Variants in RASEF observed in about 807,000 individuals in gnomAD.
RASEF encodes the protein ras and EF-hand domain-containing protein.
In RASEF, 68 loss-of-function variants were observed where a neutral mutation model predicts 90.1. The ratio of observed to expected loss-of-function variants is 0.75; its 90% confidence interval spans 0.62 to 0.92. RASEF has a LOEUF of 0.92. RASEF is among the 40% of genes least tolerant of loss of function. The pLI, the probability that RASEF is intolerant of heterozygous loss-of-function variation, is 0.00. For missense variants in RASEF, 949 were observed against 937.2 expected (o/e 1.01, Z -0.16); for synonymous variants, 331 against 345.2 (o/e 0.96, Z 0.46).
At chr9:83,144,391 G>GAAAGAAAGAAAGGAAA in the RASEF span, among the ~76,000 whole-genome samples, 2 of 33,240 alleles carry the variant, frequency 6.0e-5, no homozygotes, top group African/African-American at 2.0e-4. Flanking sequence ...AAGAAAGAAA[G>GAAAGAAAGAAAGGAAA]GAAAGAAAGA....
At chr9:83,213,382 A>G in the RASEF span, among the ~76,000 whole-genome samples, 5 of 151,244 alleles carry the variant, frequency 3.3e-5, no homozygotes, top group Non-Finnish European at 4.4e-5. Flanking sequence ...CCTGGGCAAC[A>G]GAGCGAGACT....
At chr9:83,134,416 A>G in the RASEF span, among the ~76,000 whole-genome samples, 15 of 146,784 alleles carry the variant, frequency 1.0e-4, no homozygotes, top group East Asian at 7.9e-4. Context: ...TAGCGCACAC[A>G]CACACACACA....
At chr9:83,033,086 C>T (rs1047637355) in intron 1 of RASEF, among the ~76,000 whole-genome samples, 5 of 152,068 alleles carry the variant, frequency 3.3e-5, no homozygotes, top group Admixed American at 1.3e-4. Context: ...TTACTCAAAC[C>T]GTATGTTTTA....
At chr9:83,154,588 A>G in the RASEF span, among the ~76,000 whole-genome samples, 12 of 152,094 alleles carry the variant, frequency 7.9e-5, no homozygotes, top group African/African-American at 2.9e-4. Flanking sequence ...TGGCCTTTGA[A>G]ACACTCAAAA....
the RASEF span, chr9:83,201,213 G>A: frequency 1.3e-5 from 2 of 152,204 alleles, no homozygotes; most frequent in African/African-American, 2.4e-5. Context: ...GTCACAGCCA[G>A]ACTGTCCATG....
At chr9:83,190,417 A>C in the RASEF span, among the ~76,000 whole-genome samples, 1 of 152,328 alleles carries the variant, frequency 6.6e-6, no homozygotes, top group Non-Finnish European at 1.5e-5. Context: ...GGCATTTGTA[A>C]CACACACAGA....
At chr9:83,109,797 A>C in the RASEF span, among the ~76,000 whole-genome samples, 1 of 152,132 alleles carries the variant, frequency 6.6e-6, no homozygotes, top group Non-Finnish European at 1.5e-5. Flanking sequence ...AGCCATGTAC[A>C]TTTCCTCCCA....
chr9:83,023,385 C>T (rs1022154778), intron 2 of RASEF, among the ~76,000 whole-genome samples: 1 of 152,116 alleles, frequency 6.6e-6, no homozygotes, highest in Non-Finnish European at 1.5e-5. Flanking sequence ...AAATGACATG[C>T]TATTAATAAA....
chr9:83,124,618 A>G, the RASEF span, among the ~76,000 whole-genome samples: 1 of 152,210 alleles, frequency 6.6e-6, no homozygotes, highest in Non-Finnish European at 1.5e-5. Flanking sequence ...GCAACTTGGT[A>G]TCTGGGGACT....
the RASEF span, among the ~76,000 whole-genome samples, chr9:83,190,904 C>T: frequency 4.6e-5 from 7 of 152,182 alleles, no homozygotes; most frequent in African/African-American, 1.4e-4. Context: ...AGTGACTTTC[C>T]TTCTCAAGCA....
At chr9:83,100,498 C>A in the RASEF span, among the ~76,000 whole-genome samples, 1 of 152,176 alleles carries the variant, frequency 6.6e-6, no homozygotes, top group Non-Finnish European at 1.5e-5. Context: ...ACTCTAAATT[C>A]ACAGAATATT....
the RASEF span, among the ~76,000 whole-genome samples, chr9:83,135,032 A>T: frequency 6.6e-6 from 1 of 152,168 alleles, no homozygotes; most frequent in Non-Finnish European, 1.5e-5. Flanking sequence ...AAACATCCTG[A>T]TTAAGGAAAT....
chr9:83,183,868 A>T, the RASEF span, among the ~76,000 whole-genome samples: 2 of 152,228 alleles, frequency 1.3e-5, no homozygotes, highest in African/African-American at 2.4e-5. Flanking sequence ...TTTGGTGGCC[A>T]TTTGCCAATA....
intron 6 of RASEF, among the ~76,000 whole-genome samples, chr9:83,008,919 T>C (rs1396227211): frequency 4.7e-5 from 6 of 128,604 alleles, no homozygotes; most frequent in Admixed American, 1.5e-4. Context: ...TATATATATA[T>C]ATATATATAT....
chr9:83,093,628 C>A, the RASEF span, among the ~76,000 whole-genome samples: 1 of 152,234 alleles, frequency 6.6e-6, no homozygotes, highest in East Asian at 1.9e-4. Context: ...CCATGCCCAC[C>A]CGGAACTCCA....
chr9:83,031,992 A>C (rs1223132117), intron 1 of RASEF, among the ~76,000 whole-genome samples: 5 of 152,132 alleles, frequency 3.3e-5, no homozygotes. Context: ...AAAAGGAAAA[A>C]CACAACAAAA....
intron 16 of RASEF, among the ~76,000 whole-genome samples, chr9:82,986,654 C>T (rs1014141360): frequency 2.6e-5 from 4 of 152,226 alleles, no homozygotes; most frequent in East Asian, 1.9e-4. Context: ...ATCTACCATA[C>T]GCTTAACAAC....
chr9:83,107,842 CTTG>C, the RASEF span, among the ~76,000 whole-genome samples: 1 of 152,174 alleles, frequency 6.6e-6, no homozygotes, highest in Non-Finnish European at 1.5e-5. Context: ...CCAATAAACT[CTTG>C]TTGTTTAAAC....
the RASEF span, among the ~76,000 whole-genome samples, chr9:83,207,378 T>G: frequency 6.6e-6 from 1 of 152,168 alleles, no homozygotes; most frequent in Non-Finnish European, 1.5e-5. Flanking sequence ...CTTCAGTCCA[T>G]CCCAGGTGGT....
Sources: allele counts gnomAD v4.1 joint callset (sites outside exome capture counted in the v4.1 genomes callset), GRCh38; gene constraint gnomAD v4.1.1; transcripts MANE v1.5; gene names NCBI Gene and HGNC (gene_info 2026-07-23, HGNC 2026-07-21).